The following ECE1 variants were observed in gnomAD, a reference collection of about 807,000 sequenced individuals.
ECE1 encodes endothelin converting enzyme 1, also known as endothelin-converting enzyme 1.
ECE1 carries 35 observed loss-of-function variants against 98.6 expected under a neutral mutation model. That is an observed-to-expected ratio of 0.35 (90% CI 0.27 to 0.47). The LOEUF (loss-of-function observed/expected upper bound fraction) is 0.47, where lower values mean the gene tolerates loss of function less well. Among genes scored for constraint, ECE1 ranks in the 20% least tolerant of loss-of-function variants. The probability of loss-of-function intolerance (pLI) is 1.00; values close to 1 mark genes in which losing one functional copy is unlikely to be tolerated. For missense variants in ECE1, 814 were observed against 1,025.3 expected, an observed-to-expected ratio of 0.79 and a Z score of 2.81; for synonymous variants, 394 against 407.1, an observed-to-expected ratio of 0.97 and a Z score of 0.39.
Position 21,340,082 on chromosome 1 carries a change from T to C in ECE1, c.3+5294A>G, listed in dbSNP as rs1013086510. On this transcript the variant is annotated intron_variant, in intron 1 of 18. Transcript: ENST00000415912. The surrounding 1 kb of genome is among the most constrained non-coding windows in gnomAD (Gnocchi z 4.6). ...GCATTCCACCAAGTGTTAACACCTCTTCTGGGAAGGCTTCCCTGATACACA... is the reference window on the plus strand; with the variant it reads ...GCATTCCACCAAGTGTTAACACCTCCTCTGGGAAGGCTTCCCTGATACACA... 2.6e-5 allele frequency among the ~76,000 whole-genome samples: 4 copies of C among 152,252 alleles called. No individual in the cohort carries two copies. Among genetic ancestry groups the C allele is most frequent in the African/African-American group, 9.6e-5 (4 of 41,472 alleles).
At chr1:21,284,756 G>A (rs1390538268) in intron 2 of ECE1, among the ~76,000 whole-genome samples, 8 of 152,234 alleles carry the variant, frequency 5.3e-5, no homozygotes, top group Non-Finnish European at 1.0e-4. Flanking sequence ...TGGGGAGCCA[G>A]GTGAAGCCAG....
At chr1:21,226,873 C>T (rs1294895274) in intron 16 of ECE1, among the ~76,000 whole-genome samples, 3 of 152,100 alleles carry the variant, frequency 2.0e-5, no homozygotes, top group Non-Finnish European at 4.4e-5. Flanking sequence ...TTACAGGCAC[C>T]CGCCACCATG....
rs578170066 is a variant in ECE1, at chr1:21,290,445, C to T, written c.-31G>A. ...GCCCCAGACGCCTGGTCCCGCTGCC[C>T]GGGTGGCCGGGATGGGATGGGCCGG... On this transcript the variant is annotated 5_prime_UTR_variant, in exon 1 of 19. Coordinates refer to ENST00000374893, the MANE Select transcript of ECE1 (RefSeq NM_001397.3). This position sits in a 1 kb window ranked among gnomAD's most constrained non-coding sequence, Gnocchi z 7.3. 3.7e-4 allele frequency: 460 copies of T among 1,229,092 alleles called. 3 individuals carry two copies. The African/African-American group carries it at 6.4e-3, about 17-fold the overall frequency. The allele number at this position is 1,229,092 out of a possible 1,614,324, so 76.1% of individuals were successfully genotyped here.
intron 1 of ECE1, among the ~76,000 whole-genome samples, chr1:21,326,637 G>C (rs3026823): frequency 0.031 from 4,757 of 152,204 alleles, 269 homozygotes; most frequent in African/African-American, 0.11. Flanking sequence ...GAGGGGGATG[G>C]TTTGGAGCAG....
intron 1 of ECE1, among the ~76,000 whole-genome samples, chr1:21,311,131 T>C (rs1035918836): frequency 6.6e-6 from 1 of 152,134 alleles, no homozygotes; most frequent in Non-Finnish European, 1.5e-5. Flanking sequence ...TGGCACACAA[T>C]AGGGACTTGA....
chr1:21,231,338 T>C (rs760672694), intron 14 of ECE1, among the ~76,000 whole-genome samples: 1 of 152,098 alleles, frequency 6.6e-6, no homozygotes, highest in Non-Finnish European at 1.5e-5. Context: ...CATGGGAACA[T>C]ACTGAGAACT....
intron 1 of ECE1, among the ~76,000 whole-genome samples, chr1:21,339,588 A>T (rs940553314): frequency 5.9e-5 from 9 of 152,188 alleles, no homozygotes; most frequent in Non-Finnish European, 1.2e-4. Context: ...CACATAGTAG[A>T]TGCTCATTTT....
intron 3 of ECE1, among the ~76,000 whole-genome samples, chr1:21,277,214 T>G (rs895702264): frequency 6.6e-6 from 1 of 152,208 alleles, no homozygotes; most frequent in Non-Finnish European, 1.5e-5. Flanking sequence ...AAAACCCTTC[T>G]GAGACCCAGA....
intron 7 of ECE1, 99 bp from the exon 8 acceptor site, chr1:21,256,237 G>A (rs1175492498): frequency 7.2e-6 from 10 of 1,391,022 alleles, no homozygotes; most frequent in Non-Finnish European, 8.7e-6. Context: ...GGCACAGGGA[G>A]CCAGGGGGCT....
intron 14 of ECE1, among the ~76,000 whole-genome samples, chr1:21,232,696 G>C (rs1175547044): frequency 2.0e-5 from 3 of 147,812 alleles, no homozygotes; most frequent in Non-Finnish European, 3.0e-5. Flanking sequence ...TTTTGAGATG[G>C]AGTCTTGCTC....
At chr1:21,317,663 G>A (rs1369362896) in intron 1 of ECE1, among the ~76,000 whole-genome samples, 1 of 152,196 alleles carries the variant, frequency 6.6e-6, no homozygotes, top group Non-Finnish European at 1.5e-5. Flanking sequence ...TCCCCTCTGT[G>A]AGCTAGGCAG....
intron 4 of ECE1, among the ~76,000 whole-genome samples, chr1:21,270,412 G>A (rs942722879): frequency 3.3e-5 from 5 of 152,234 alleles, no homozygotes; most frequent in Admixed American, 3.3e-4. Flanking sequence ...GGGAGCTAAT[G>A]TCTGTCCCTT....
At chr1:21,279,460 G>T in intron 2 of ECE1, 128 bp from the exon 3 acceptor site, 1 of 1,548,480 alleles carries the variant, frequency 6.5e-7, no homozygotes, top group South Asian at 1.2e-5. Context: ...TCTCAGGGGT[G>T]GTCTGGTTCC....
intron 1 of ECE1, among the ~76,000 whole-genome samples, chr1:21,318,042 C>T (rs1003678736): frequency 4.6e-5 from 7 of 152,254 alleles, no homozygotes; most frequent in African/African-American, 1.2e-4. Context: ...AGGTATCAGA[C>T]GGCATGGACG....
chr1:21,313,679 C>A (rs962129681), intron 1 of ECE1, among the ~76,000 whole-genome samples: 2 of 152,198 alleles, frequency 1.3e-5, no homozygotes, highest in Non-Finnish European at 2.9e-5. Flanking sequence ...GCTGGACTCT[C>A]TGTAATTTAC....
chr1:21,234,808 G>T (rs553677017), intron 13 of ECE1, among the ~76,000 whole-genome samples: 2 of 152,320 alleles, frequency 1.3e-5, no homozygotes, highest in East Asian at 3.9e-4. Flanking sequence ...AATTCTCCCT[G>T]GTTCTGGTGA....
chr1:21,333,903 C>A (rs1320157881), intron 1 of ECE1, among the ~76,000 whole-genome samples: 2 of 152,138 alleles, frequency 1.3e-5, no homozygotes, highest in Non-Finnish European at 2.9e-5. Context: ...ACTCCGTGCA[C>A]CGTCCTGTGA....
intron 9 of ECE1, 134 bp from the exon 10 acceptor site, chr1:21,245,237 G>A: frequency 2.7e-6 from 2 of 738,766 alleles, no homozygotes; most frequent in Non-Finnish European, 4.8e-6. Flanking sequence ...CGGGGGCTTG[G>A]TGGGTTACTG....
rs769573474 is a variant in ECE1, at chr1:21,342,340, C to T, written c.3+3036G>A. 3.9e-5 allele frequency among the ~76,000 whole-genome samples: 6 copies of T among 152,244 alleles called. No homozygotes were observed. The East Asian group carries it at 1.2e-3, about 29-fold the overall frequency. ...TCTGGTACTATCTTGCTCTGTGACC[C>T]TGGGCAACCTCCTTCACCTCTCTGT... On this transcript the variant is annotated intron_variant, in intron 1 of 18. Transcript: ENST00000415912.
Sources: allele counts gnomAD v4.1 joint callset (sites outside exome capture counted in the v4.1 genomes callset), GRCh38; gene constraint gnomAD v4.1.1; non-coding constraint Gnocchi (gnomAD v3.1); transcripts MANE v1.5; gene names NCBI Gene and HGNC (gene_info 2026-07-23, HGNC 2026-07-21).